The following ENAM variants were observed in gnomAD, a reference collection of about 807,000 sequenced individuals.
ENAM encodes the protein enamelin.
In ENAM, 21 loss-of-function variants were observed where a neutral mutation model predicts 33.6. That is an observed-to-expected ratio of 0.63 (90% confidence interval 0.44 to 0.90). ENAM has a LOEUF of 0.90. Among genes scored for constraint, ENAM ranks in the 40% least tolerant of loss-of-function variants. The pLI, the probability that ENAM is intolerant of heterozygous loss-of-function variation, is 0.00. For missense variants in ENAM, 1,388 were observed against 1,366.9 expected (o/e 1.02, Z -0.24); for synonymous variants, 473 against 468.4 (o/e 1.01, Z -0.13).
rs942907055 is a variant in ENAM, at chr4:70,645,585, T to C, written c.*730T>C. 3 of 152,254 alleles carry C rather than the reference T, an allele frequency of 2.0e-5. No homozygotes were observed. The highest frequency in any genetic ancestry group is 7.2e-5 in the African/African-American group (3 of 41,444). 9.4% of individuals were successfully genotyped at this position (152,254 alleles called of 1,614,324 possible). A position where few individuals can be genotyped will look rare whatever the true frequency, so the allele number is the denominator to read the frequency against. ...GTTCTGTCTCCCAATGTACCACTTA[T>C]CAACTAATCCCTCTCCTCTCTGATT... On this transcript the variant is annotated 3_prime_UTR_variant, in exon 9 of 9. Transcript: ENST00000396073.
rs746274747 is a variant in ENAM, at chr4:70,644,629, C to T, written c.3203C>T (p.Ser1068Phe). The change falls in exon 9 of 9, where the codon TCC becomes TTC. Residue 1068 changes from serine (S) to phenylalanine (F), a missense_variant. Coordinates refer to ENST00000396073, the MANE Select transcript of ENAM (RefSeq NM_031889.3). ...FGSKLAKHHS[S>F]TTGTPSSDGR... Reference sequence around the variant, plus strand: ...TCCAAATTAGCAAAGCATCACTCTTCCACCACCGGAACTCCATCTAGCGAT... The same window carrying T: ...TCCAAATTAGCAAAGCATCACTCTTTCACCACCGGAACTCCATCTAGCGAT... 2.5e-6 allele frequency: 4 copies of T among 1,613,772 alleles called. No individual in the cohort carries two copies. In the Admixed American group the frequency reaches 5.0e-5, roughly 20 times the overall value.
rs375758699 is a variant in ENAM at position 70,642,712 on chromosome 4, G to T, written c.1286G>T (p.Arg429Leu). The T allele has an allele frequency of 5.6e-6, 9 of 1,604,404 alleles. No homozygotes were observed. The highest frequency in any genetic ancestry group is 2.2e-5 in the East Asian group (1 of 44,822). The change falls in exon 9 of 9, where the codon CGC becomes CTC. Residue 429 changes from arginine (R) to leucine (L), a missense_variant. By Grantham distance (102) the Arg-to-Leu change is moderately radical. Transcript: ENST00000396073. Reference sequence around the variant, plus strand: ...GGTCCCAAACCTGGCCCTGTTGTTCGCAATGAAAAAATCCAAAATCCAAAG... The same window carrying T: ...GGTCCCAAACCTGGCCCTGTTGTTCTCAATGAAAAAATCCAAAATCCAAAG... ...PLGPKPGPVV[R>L]NEKIQNPKEK... is the part of the protein sequence containing the mutation.
Position 70,642,234 on chromosome 4 carries a change from A to G in ENAM, c.808A>G (p.Thr270Ala), listed in dbSNP as rs756783758. 7 of 1,614,008 alleles carry G rather than the reference A, an allele frequency of 4.3e-6. No homozygotes were observed. The highest frequency in any genetic ancestry group is 5.9e-6 in the Non-Finnish European group (7 of 1,180,022). Residue 270 changes from threonine to alanine, a missense_variant, in exon 9 of 9, where the codon ACA becomes GCA. Thr to Ala is a moderately conservative substitution (Grantham distance 58). Transcript: ENST00000396073. Reference protein sequence around the residue: ...GSQGGNDTSPTGNSTPGLNTG... With the variant: ...GSQGGNDTSPAGNSTPGLNTG... ...TCAGGGAGGAAATGACACCAGCCCC[A>G]CAGGAAACAGTACCCCAGGACTAAA...
chr4:70,643,966 C>T lies in ENAM; in HGVS notation c.2540C>T (p.Ser847Phe). Residue 847 changes from serine to phenylalanine, a missense_variant, in exon 9 of 9, where the codon TCT (serine) becomes TTT (phenylalanine). By Grantham distance (155) the Ser-to-Phe change is radical (BLOSUM62 -2). Coordinates refer to ENST00000396073, the MANE Select transcript of ENAM (RefSeq NM_031889.3). ...RMNSPEREHS[S>F]FPNFIPPSYP... ...AATTCTCCAGAGAGAGAACATTCAT[C>T]TTTCCCTAACTTCATCCCACCAAGT... is the stretch of plus-strand genomic sequence containing the variant. 2 of 1,614,174 alleles carry T rather than the reference C, an allele frequency of 1.2e-6. No homozygotes were observed. Among genetic ancestry groups the T allele is most frequent in the African/African-American group, 1.3e-5 (1 of 75,052 alleles).
At chr4:70,636,598 G>A (rs564273709) in intron 7 of ENAM, among the ~76,000 whole-genome samples, 4 of 152,128 alleles carry the variant, frequency 2.6e-5, no homozygotes, top group East Asian at 3.9e-4. Flanking sequence ...GTGAAACCCC[G>A]TCTCTACTAA....
Position 70,634,239 on chromosome 4 carries a change from C to T in ENAM, c.211-69C>T, listed in dbSNP as rs1738391944. On this transcript the variant is annotated intron_variant, in intron 5 of 8. Transcript: ENST00000396073. Reference sequence around the variant, plus strand: ...TCTTTGGCTGAGTTTTAGAGGCTGACATTAGAGGATGGAGACAGCCTGAAT... The same window carrying T: ...TCTTTGGCTGAGTTTTAGAGGCTGATATTAGAGGATGGAGACAGCCTGAAT... 4.0e-6 allele frequency: 6 copies of T among 1,491,860 alleles called. No individual in the cohort carries two copies. The Admixed American group carries it at 1.0e-4, about 25-fold the overall frequency. The allele number at this position is 1,491,860 out of a possible 1,614,324, so 92.4% of individuals were successfully genotyped here. A position where few individuals can be genotyped will look rare whatever the true frequency, so the allele number is the denominator to read the frequency against.
chr4:70,632,790 T>C, intron 5 of ENAM, 98 bp downstream of exon 5: 2 of 860,258 alleles, frequency 2.3e-6, no homozygotes, highest in Middle Eastern at 2.5e-4. Flanking sequence ...AATCCACATG[T>C]TTTAAGTATA....
At position 70,634,228 on chromosome 4, in the gene ENAM, T is replaced by G. The variant is rs1048782078; in HGVS notation, c.211-80T>G. Reference sequence around the variant, plus strand: ...GACTTTTAAGCTCTTTGGCTGAGTTTTAGAGGCTGACATTAGAGGATGGAG... The same window carrying G: ...GACTTTTAAGCTCTTTGGCTGAGTTGTAGAGGCTGACATTAGAGGATGGAG... On this transcript the variant is annotated intron_variant, in intron 5 of 8. Coordinates refer to ENST00000396073, the MANE Select transcript of ENAM (RefSeq NM_031889.3). 4.9e-6 allele frequency: 7 copies of G among 1,425,756 alleles called. No individual in the cohort carries two copies. The African/African-American group carries it at 8.4e-5, about 17-fold the overall frequency. 88.3% of individuals were successfully genotyped at this position (1,425,756 alleles called of 1,614,324 possible). A position where few individuals can be genotyped will look rare whatever the true frequency, so the allele number is the denominator to read the frequency against.
At chr4:70,634,055 C>T (rs567354733) in intron 5 of ENAM, among the ~76,000 whole-genome samples, 2 of 152,290 alleles carry the variant, frequency 1.3e-5, no homozygotes, top group South Asian at 4.1e-4. Context: ...CAGTCAAATT[C>T]TTAAACTGAG....
Position 70,645,192 on chromosome 4 carries a change from T to G in ENAM, c.*337T>G. ...CTCTCAAAGTTCCATACTTGCAAAA[T>G]TGGTTTTTCAAGACTGAAAGGCAGA... On this transcript the variant is annotated 3_prime_UTR_variant, in exon 9 of 9. Coordinates refer to ENST00000396073, the MANE Select transcript of ENAM (RefSeq NM_031889.3). 1 of 483,516 alleles carries G rather than the reference T, an allele frequency of 2.1e-6. No homozygotes were observed. 30.0% of individuals were successfully genotyped at this position (483,516 alleles called of 1,614,324 possible).
rs1560406437 is a variant in ENAM, at chr4:70,644,951, C to T, written c.*96C>T. 1 of 1,013,134 alleles carries T rather than the reference C, an allele frequency of 9.9e-7. No homozygotes were observed. The highest frequency in any genetic ancestry group is 2.5e-5 in the East Asian group (1 of 40,648). The allele number at this position is 1,013,134 out of a possible 1,614,324, so 62.8% of individuals were successfully genotyped here. A position where few individuals can be genotyped will look rare whatever the true frequency, so the allele number is the denominator to read the frequency against. On this transcript the variant is annotated 3_prime_UTR_variant, in exon 9 of 9. Transcript: ENST00000396073. ...TTTTCCCCAAGACTTAATTAAGTGT[C>T]TGACTGTCTTGGTGATCCTTAAGTT... is the stretch of plus-strand genomic sequence containing the variant.
intron 8 of ENAM, among the ~76,000 whole-genome samples, chr4:70,640,934 C>T (rs760718394): frequency 6.8e-4 from 103 of 152,078 alleles, no homozygotes; most frequent in Middle Eastern, 3.2e-3. Context: ...AATACTCTGA[C>T]GGCAGTGCAG....
rs997848592 is a variant in ENAM, at chr4:70,642,659, C to T, written c.1233C>T (p.His411=). The T allele has an allele frequency of 1.2e-6, 2 of 1,613,226 alleles. No individual in the cohort carries two copies. The highest frequency in any genetic ancestry group is 4.5e-5 in the East Asian group (2 of 44,884). Residue 411 remains histidine (H), a synonymous_variant, in exon 9 of 9, where the codon CAC becomes CAT. Coordinates refer to ENST00000396073, the MANE Select transcript of ENAM (RefSeq NM_031889.3). ...GAAAGCCTCAGGGGCCAAATAAACA[C>T]CCTGTAGGAACTACTGTTGCCCCAC... ...LRRKPQGPNK[H]PVGTTVAPLG...
intron 5 of ENAM, among the ~76,000 whole-genome samples, chr4:70,633,186 CA>C (rs1027602729): frequency 3.3e-5 from 5 of 152,026 alleles, no homozygotes; most frequent in Admixed American, 1.3e-4. Flanking sequence ...TTCTTTGGCA[CA>C]ATTTTTCTGA....
chr4:70,631,876 A>G lies in ENAM; in HGVS notation c.151A>G (p.Ser51Gly), dbSNP rs767689806. Residue 51 changes from serine to glycine, a missense_variant, in exon 4 of 9, where the codon AGC becomes GGC. By Grantham distance (56) the Ser-to-Gly change is moderately conservative. Transcript: ENST00000396073. Reference protein sequence around the residue: ...PMHMPRMPGFSSKSEEMMRYN... With the variant: ...PMHMPRMPGFGSKSEEMMRYN... ...GCACATGCCCCGAATGCCTGGATTT[A>G]GCAGTAAAAGTGAGGAGGTATGTAC... 1.9e-6 allele frequency: 3 copies of G among 1,613,970 alleles called. No individual in the cohort carries two copies. Among genetic ancestry groups the G allele is most frequent in the Admixed American group, 3.3e-5 (2 of 60,006 alleles).
chr4:70,640,421 T>C (rs148905262), intron 8 of ENAM, among the ~76,000 whole-genome samples: 1 of 152,278 alleles, frequency 6.6e-6, no homozygotes, highest in East Asian at 1.9e-4. Context: ...AGTTTCAATA[T>C]GAATAAGCCG....
chr4:70,639,346 T>C (rs1381650104), intron 8 of ENAM, among the ~76,000 whole-genome samples: 1 of 151,994 alleles, frequency 6.6e-6, no homozygotes, highest in Non-Finnish European at 1.5e-5. Context: ...TCCCAGCACT[T>C]TGGGAGGCTG....
chr4:70,633,499 A>G (rs1738375094), intron 5 of ENAM, among the ~76,000 whole-genome samples: 1 of 152,158 alleles, frequency 6.6e-6, no homozygotes, highest in African/African-American at 2.4e-5. Context: ...CAATATTTGC[A>G]ATTTTGAATT....
rs776403321 is a variant in ENAM, at chr4:70,642,509, G to C, written c.1083G>C (p.Trp361Cys). The change falls in exon 9 of 9, where the codon TGG becomes TGC. Residue 361 changes from tryptophan (W) to cysteine (C), a missense_variant. By Grantham distance (215) the Trp-to-Cys change is radical. Coordinates refer to ENST00000396073, the MANE Select transcript of ENAM (RefSeq NM_031889.3). ...AACAAGTTCAAAGGGGTCCTCGGTG[G>C]AACTTCTTTGCTTGGGAACGTAAAC... ...RNQQVQRGPR[W>C]NFFAWERKQV... 1.9e-5 allele frequency: 31 copies of C among 1,613,968 alleles called. No individual in the cohort carries two copies. In the East Asian group the frequency reaches 5.8e-4, roughly 30 times the overall value.
Sources: allele counts gnomAD v4.1 joint callset (sites outside exome capture counted in the v4.1 genomes callset), GRCh38; gene constraint gnomAD v4.1.1; transcripts MANE v1.5; gene names NCBI Gene and HGNC (gene_info 2026-07-23, HGNC 2026-07-21).